LDLRAD4: variants seen among roughly 807,000 people sequenced by gnomAD.
The protein encoded by LDLRAD4 is low-density lipoprotein receptor class A domain-containing protein 4.
Under a neutral mutation model 17.0 loss-of-function variants are expected in LDLRAD4, and 5 were observed. The observed-to-expected ratio is 0.29, with a 90% CI of 0.15 to 0.62. The LOEUF (loss-of-function observed/expected upper bound fraction) is 0.62. LDLRAD4 is among the 20% of genes least tolerant of loss of function. The pLI is 0.84. For missense variants in LDLRAD4, 340 were observed against 424.7 expected, an observed-to-expected ratio of 0.80 and a Z score of 1.75; for synonymous variants, 168 against 171.8, an observed-to-expected ratio of 0.98 and a Z score of 0.17.
chr18:13,295,439 G>A (rs2046218313), intron 1 of LDLRAD4, among the ~76,000 whole-genome samples: 1 of 152,192 alleles, frequency 6.6e-6, no homozygotes, highest in Non-Finnish European at 1.5e-5. Flanking sequence ...AGCCTGGCGT[G>A]GGTGCAGGGC....
intron 5 of LDLRAD4, among the ~76,000 whole-genome samples, chr18:13,644,372 G>C (rs998838919): frequency 7.6e-6 from 1 of 131,324 alleles, no homozygotes; most frequent in South Asian, 2.4e-4. Context: ...TTCAAGACAA[G>C]CCTATGCAAC....
intron 3 of LDLRAD4, among the ~76,000 whole-genome samples, chr18:13,466,025 G>A (rs772631160): frequency 7.2e-5 from 11 of 152,092 alleles, no homozygotes; most frequent in Non-Finnish European, 1.6e-4. Context: ...CTGTGCCTTC[G>A]GTGCTCAAAA....
chr18:13,452,186 G>C (rs1285637573), intron 3 of LDLRAD4, among the ~76,000 whole-genome samples: 1 of 152,172 alleles, frequency 6.6e-6, no homozygotes, highest in African/African-American at 2.4e-5. Context: ...AAAGGGTTTG[G>C]AGGAATCCAC....
chr18:13,364,750 G>T (rs2083930403), intron 1 of LDLRAD4, among the ~76,000 whole-genome samples: 1 of 152,178 alleles, frequency 6.6e-6, no homozygotes, highest in Non-Finnish European at 1.5e-5. Flanking sequence ...CATACCTGAG[G>T]CTGGCGATGC....
At chr18:13,605,298 C>T (rs950009760) in intron 3 of LDLRAD4, among the ~76,000 whole-genome samples, 21 of 152,364 alleles carry the variant, frequency 1.4e-4, no homozygotes, top group Admixed American at 8.5e-4. Flanking sequence ...GCTCACTGCA[C>T]TCTCGACCTC....
rs2090951990 is a variant in LDLRAD4, at chr18:13,440,459, C to T, written c.181+2075C>T. Among the ~76,000 whole-genome samples the T allele has an allele frequency of 6.6e-6, 1 of 152,166 alleles. No homozygotes were observed. The highest frequency in any genetic ancestry group is 1.5e-5 in the Non-Finnish European group (1 of 68,036). ...GGAGTCTTACGATCCTGTTGGCAAA[C>T]TCTTGGCCCCCTACTGTTCAGATAT... On this transcript the variant is annotated intron_variant, in intron 3 of 5. Coordinates refer to ENST00000359446, the Ensembl canonical transcript of LDLRAD4. This position sits in a 1 kb window ranked among gnomAD's most constrained non-coding sequence, Gnocchi z 4.4.
chr18:13,437,389 G>C (rs1398863992), intron 2 of LDLRAD4, among the ~76,000 whole-genome samples: 1 of 152,200 alleles, frequency 6.6e-6, no homozygotes, highest in Non-Finnish European at 1.5e-5. Context: ...AAGATGTAAT[G>C]GACCTTTCTG....
intron 3 of LDLRAD4, among the ~76,000 whole-genome samples, chr18:13,501,917 C>T (rs956311144): frequency 6.6e-6 from 1 of 152,202 alleles, no homozygotes; most frequent in Non-Finnish European, 1.5e-5. Context: ...TTGATATGTT[C>T]AACCTAAGAA....
intron 3 of LDLRAD4, among the ~76,000 whole-genome samples, chr18:13,570,787 T>TTTCC (rs1488562352): frequency 2.0e-5 from 3 of 152,238 alleles, no homozygotes; most frequent in Non-Finnish European, 4.4e-5. Flanking sequence ...GTCTTTTTCT[T>TTTCC]TTCCTTCCTT....
At chr18:13,429,390 A>G (rs2145999441) in intron 2 of LDLRAD4, among the ~76,000 whole-genome samples, 1 of 152,310 alleles carries the variant, frequency 6.6e-6, no homozygotes, top group Middle Eastern at 3.4e-3. Context: ...GCATCTTTTT[A>G]TAAGACCAGA....
intron 3 of LDLRAD4, among the ~76,000 whole-genome samples, chr18:13,577,746 G>T (rs978740666): frequency 4.6e-5 from 7 of 152,144 alleles, no homozygotes; most frequent in Non-Finnish European, 8.8e-5. Flanking sequence ...TTGATTTGCT[G>T]TAGGCAAATT....
At position 13,473,670 on chromosome 18, in the gene LDLRAD4, T is replaced by TAC. The variant is rs1459918810; in HGVS notation, c.181+35287_181+35288insCA. On this transcript the variant is annotated intron_variant, in intron 3 of 5. Coordinates refer to ENST00000359446, the Ensembl canonical transcript of LDLRAD4. ...ATATATATATATATATATATATATA[T>TAC]ATATATATAACGTTTACATTTTATA... Among the ~76,000 whole-genome samples the TAC allele has an allele frequency of 5.3e-3, 585 of 110,996 alleles. 26 individuals carry two copies. Among genetic ancestry groups the TAC allele is most frequent in the South Asian group, 0.022 (69 of 3,136 alleles). 72.8% of individuals were successfully genotyped at this position (110,996 alleles called of 152,430 possible).
chr18:13,426,405 G>A (rs1482989239), intron 2 of LDLRAD4, among the ~76,000 whole-genome samples: 1 of 152,184 alleles, frequency 6.6e-6, no homozygotes, highest in Non-Finnish European at 1.5e-5. Context: ...TTGGAATTCT[G>A]GCCTGGCATA....
intron 1 of LDLRAD4, among the ~76,000 whole-genome samples, chr18:13,321,166 G>A (rs1312414817): frequency 1.3e-5 from 2 of 152,114 alleles, no homozygotes. Context: ...CTCTGGCCCA[G>A]CAGACAGGCT....
chr18:13,446,748 C>T (rs2091434009), intron 3 of LDLRAD4, among the ~76,000 whole-genome samples: 1 of 152,230 alleles, frequency 6.6e-6, no homozygotes. Flanking sequence ...CTGCCATCAC[C>T]ATCCCCGCTT....
intron 3 of LDLRAD4, among the ~76,000 whole-genome samples, chr18:13,583,106 A>G (rs770661516): frequency 2.6e-5 from 4 of 152,226 alleles, no homozygotes; most frequent in East Asian, 1.9e-4. Flanking sequence ...CACCCGCACC[A>G]TAAGACTGTG....
chr18:13,365,547 C>A (rs2083997418), intron 1 of LDLRAD4, among the ~76,000 whole-genome samples: 1 of 152,150 alleles, frequency 6.6e-6, no homozygotes, highest in Non-Finnish European at 1.5e-5. Flanking sequence ...CATGTGAATC[C>A]CCTCCATGAC....
intron 2 of LDLRAD4, chr18:13,419,894 T>C (rs943914930): frequency 6.6e-6 from 1 of 152,196 alleles, no homozygotes; most frequent in Non-Finnish European, 1.5e-5. Flanking sequence ...CTGGTGGACC[T>C]CCCGGAAGGC....
chr18:13,591,924 A>G lies in LDLRAD4; in HGVS notation c.182-29193A>G, dbSNP rs78398640. On this transcript the variant is annotated intron_variant, in intron 3 of 5. Transcript: ENST00000359446. Reference sequence around the variant, plus strand: ...TAACATTTTATAGATGAGGAAACTGAGGCTAAGGAAGATTATGTGACATTC... The same window carrying G: ...TAACATTTTATAGATGAGGAAACTGGGGCTAAGGAAGATTATGTGACATTC... 2.7e-3 allele frequency among the ~76,000 whole-genome samples: 405 copies of G among 152,314 alleles called. 3 individuals are homozygous for G. The highest frequency in any genetic ancestry group is 9.2e-3 in the African/African-American group (384 of 41,560).
Sources: gnomAD v4.1 joint callset for allele counts (sites outside exome capture counted in the v4.1 genomes callset) on GRCh38, gnomAD v4.1.1 for gene constraint, Gnocchi (gnomAD v3.1) non-coding constraint, MANE v1.5 for transcripts, NCBI Gene and HGNC (gene_info 2026-07-23, HGNC 2026-07-21) for gene names.